The following AUTS2 variants were observed in gnomAD, a reference collection of about 807,000 sequenced individuals.
The protein encoded by AUTS2 is activator of transcription and developmental regulator AUTS2.
Under a neutral mutation model 112.4 loss-of-function variants are expected in AUTS2, and 17 were observed. That is an observed-to-expected ratio of 0.15 (90% CI 0.10 to 0.23). The LOEUF is 0.23. Among genes scored for constraint, AUTS2 ranks in the 10% least tolerant of loss-of-function variants. The pLI, the probability that AUTS2 is intolerant of heterozygous loss-of-function variation, is 1.00. For missense variants in AUTS2, 1,510 were observed against 1,701.6 expected, an observed-to-expected ratio of 0.89 and a Z score of 1.98; for synonymous variants, 751 against 702.7, an observed-to-expected ratio of 1.07 and a Z score of -1.09.
At chr7:70,005,505 C>T (rs764642318) in intron 2 of AUTS2, among the ~76,000 whole-genome samples, 3 of 152,170 alleles carry the variant, frequency 2.0e-5, no homozygotes, top group Non-Finnish European at 4.4e-5. Flanking sequence ...GTGAGAGGCT[C>T]ACTATTGTGA....
chr7:70,690,001 TC>T (rs1447124695), intron 5 of AUTS2, among the ~76,000 whole-genome samples: 6 of 152,172 alleles, frequency 3.9e-5, no homozygotes, highest in African/African-American at 1.4e-4. Flanking sequence ...AAGAAGTGTG[TC>T]ATCTGTAATC....
intron 4 of AUTS2, among the ~76,000 whole-genome samples, chr7:70,151,153 A>G (rs1807415053): frequency 1.3e-5 from 2 of 152,154 alleles, no homozygotes; most frequent in African/African-American, 4.8e-5. Flanking sequence ...CAAAGGACAG[A>G]GTATTAGGGG....
At chr7:70,501,376 C>T (rs117237221) in intron 5 of AUTS2, among the ~76,000 whole-genome samples, 11,641 of 152,210 alleles carry the variant, frequency 0.076, 625 homozygotes, top group Non-Finnish European at 0.12. Context: ...GATCGGCTGC[C>T]TCCTTCTAGC....
At chr7:70,564,521 T>C (rs995916150) in intron 5 of AUTS2, among the ~76,000 whole-genome samples, 1 of 152,178 alleles carries the variant, frequency 6.6e-6, no homozygotes, top group Non-Finnish European at 1.5e-5. Context: ...CTTTTTAAGG[T>C]GGTTTCATTT....
chr7:70,674,516 G>A (rs1364314134), intron 5 of AUTS2, among the ~76,000 whole-genome samples: 3 of 152,196 alleles, frequency 2.0e-5, no homozygotes, highest in South Asian at 2.1e-4. Context: ...TGGGGTAGGC[G>A]AGGAGTGATG....
chr7:70,002,473 A>G (rs1799242738), intron 2 of AUTS2, among the ~76,000 whole-genome samples: 1 of 152,134 alleles, frequency 6.6e-6, no homozygotes, highest in African/African-American at 2.4e-5. Flanking sequence ...TACAATTTTA[A>G]ATGGTACCAA....
At chr7:69,916,851 C>G (rs894652028) in intron 2 of AUTS2, among the ~76,000 whole-genome samples, 9 of 152,348 alleles carry the variant, frequency 5.9e-5, no homozygotes, top group African/African-American at 2.2e-4. Context: ...GACTTCTCAG[C>G]CTCTAATCTT....
At chr7:69,980,007 G>A (rs1798229538) in intron 2 of AUTS2, among the ~76,000 whole-genome samples, 1 of 152,134 alleles carries the variant, frequency 6.6e-6, no homozygotes, top group South Asian at 2.1e-4. Flanking sequence ...TTTTTGTTGT[G>A]CACACATTAA....
At chr7:70,031,465 G>A (rs1226180549) in intron 2 of AUTS2, among the ~76,000 whole-genome samples, 2 of 152,134 alleles carry the variant, frequency 1.3e-5, no homozygotes, top group African/African-American at 2.4e-5. Context: ...TCTAAAGATA[G>A]GCTGCTGCCT....
chr7:70,539,947 G>A (rs1800481669), intron 5 of AUTS2, among the ~76,000 whole-genome samples: 1 of 152,162 alleles, frequency 6.6e-6, no homozygotes, highest in African/African-American at 2.4e-5. Flanking sequence ...AGCCACTGAG[G>A]AAGCCCGGTT....
intron 1 of AUTS2, among the ~76,000 whole-genome samples, chr7:69,860,285 C>G (rs1161447738): frequency 6.6e-6 from 1 of 151,906 alleles, no homozygotes; most frequent in Non-Finnish European, 1.5e-5. Context: ...GAGGTTCTTT[C>G]TCTACACCAT....
intron 4 of AUTS2, among the ~76,000 whole-genome samples, chr7:70,182,901 G>A (rs767177670): frequency 2.0e-5 from 3 of 151,948 alleles, no homozygotes; most frequent in Non-Finnish European, 2.9e-5. Context: ...GGCAATACAC[G>A]TTGATGGCCT....
At chr7:70,010,927 G>A (rs1799775559) in intron 2 of AUTS2, among the ~76,000 whole-genome samples, 1 of 152,176 alleles carries the variant, frequency 6.6e-6, no homozygotes, top group African/African-American at 2.4e-5. Context: ...CAGGGTCAAA[G>A]CTTCATTGTT....
chr7:70,187,808 A>T (rs1390429533), intron 4 of AUTS2, among the ~76,000 whole-genome samples: 6 of 129,468 alleles, frequency 4.6e-5, no homozygotes, highest in Non-Finnish European at 9.4e-5. Context: ...AGACGGAGTC[A>T]CTAGTCTTCT....
At chr7:70,329,508 A>G (rs900447721) in intron 4 of AUTS2, among the ~76,000 whole-genome samples, 3 of 151,770 alleles carry the variant, frequency 2.0e-5, no homozygotes, top group Non-Finnish European at 4.4e-5. Flanking sequence ...TAAATTTGAT[A>G]TGCATTTTCT....
intron 4 of AUTS2, among the ~76,000 whole-genome samples, chr7:70,175,067 A>C (rs1392604015): frequency 6.6e-6 from 1 of 152,208 alleles, no homozygotes; most frequent in Non-Finnish European, 1.5e-5. Flanking sequence ...AGGATTCCCC[A>C]TTCTAGATGC....
intron 4 of AUTS2, among the ~76,000 whole-genome samples, chr7:70,270,888 G>T (rs2129608907): frequency 6.6e-6 from 1 of 152,222 alleles, no homozygotes; most frequent in East Asian, 1.9e-4. Context: ...TAAAAGAGAT[G>T]GGAGCAAAGC....
intron 2 of AUTS2, among the ~76,000 whole-genome samples, chr7:69,970,116 A>C (rs928227855): frequency 1.3e-5 from 2 of 152,192 alleles, no homozygotes; most frequent in African/African-American, 4.8e-5. Flanking sequence ...CCTCTGTAAG[A>C]ATTTCCATCT....
At chr7:70,735,487 G>A (rs998317498) in intron 6 of AUTS2, among the ~76,000 whole-genome samples, 2 of 152,112 alleles carry the variant, frequency 1.3e-5, no homozygotes, top group African/African-American at 4.8e-5. Flanking sequence ...GGGGTGATGC[G>A]GATGTTCCGA....
Sources: allele counts gnomAD v4.1 joint callset (sites outside exome capture counted in the v4.1 genomes callset), GRCh38; gene constraint gnomAD v4.1.1; transcripts MANE v1.5; gene names NCBI Gene and HGNC (gene_info 2026-07-23, HGNC 2026-07-21).